The following CDH13 variants were observed in gnomAD, a reference collection of about 807,000 sequenced individuals.
CDH13 encodes cadherin-13.
Under a neutral mutation model 63.8 loss-of-function variants are expected in CDH13, and 24 were observed. The observed-to-expected ratio is 0.38, with a 90% CI of 0.27 to 0.53. CDH13 has a LOEUF of 0.53. Among genes scored for constraint, CDH13 ranks in the 20% least tolerant of loss-of-function variants. CDH13 has a pLI of 0.85. For missense variants in CDH13, 1,049 were observed against 903.1 expected (o/e 1.16, Z -2.07); for synonymous variants, 503 against 355.3 (o/e 1.42, Z -4.67).
intron 5 of CDH13, among the ~76,000 whole-genome samples, chr16:83,285,532 C>T (rs7187816): frequency 0.036 from 5,442 of 151,972 alleles, 114 homozygotes; most frequent in East Asian, 0.092. Context: ...GTAAAAATAA[C>T]ACCATAACCA....
chr16:83,171,518 T>C (rs1205883767), intron 4 of CDH13: 4 of 1,533,260 alleles, frequency 2.6e-6, no homozygotes, highest in Non-Finnish European at 3.5e-6. Flanking sequence ...TCTTTGTTTT[T>C]CAGATGAAGA....
At chr16:83,771,751 GA>G (rs1914775586) in intron 11 of CDH13, among the ~76,000 whole-genome samples, 1 of 152,316 alleles carries the variant, frequency 6.6e-6, no homozygotes, top group Admixed American at 6.5e-5. Context: ...GGGTCGGAAG[GA>G]AAACTGTCAT....
At chr16:82,647,103 G>A (rs1247961677) in intron 1 of CDH13, among the ~76,000 whole-genome samples, 1 of 152,220 alleles carries the variant, frequency 6.6e-6, no homozygotes, top group Non-Finnish European at 1.5e-5. Context: ...CTCTGCCACT[G>A]TAGGGCTGTG....
chr16:83,233,161 T>G (rs1274151091), intron 5 of CDH13, among the ~76,000 whole-genome samples: 1 of 152,140 alleles, frequency 6.6e-6, no homozygotes, highest in African/African-American at 2.4e-5. Context: ...AAAGGGAAAA[T>G]GTGCAAATAT....
chr16:82,687,845 C>T (rs542335266), intron 1 of CDH13, among the ~76,000 whole-genome samples: 1 of 152,086 alleles, frequency 6.6e-6, no homozygotes, highest in South Asian at 2.1e-4. Flanking sequence ...ACTGGCTGTC[C>T]TCGGGGGTAG....
At chr16:82,748,982 A>G (rs1000078) in intron 1 of CDH13, among the ~76,000 whole-genome samples, 41,260 of 152,082 alleles carry the variant, frequency 0.27, 6,311 homozygotes, top group South Asian at 0.38. Context: ...ATATATGGCA[A>G]ATGAGAGTTC....
At chr16:82,639,431 C>A (rs2150883798) in intron 1 of CDH13, 1 of 1,535,508 alleles carries the variant, frequency 6.5e-7, no homozygotes, top group Non-Finnish European at 8.7e-7. Flanking sequence ...CCACAGATGC[C>A]TGGGCGTGAC....
At chr16:83,495,425 T>C (rs569658116) in intron 7 of CDH13, among the ~76,000 whole-genome samples, 1 of 152,250 alleles carries the variant, frequency 6.6e-6, no homozygotes, top group South Asian at 2.1e-4. Context: ...GTTCTTACTA[T>C]GTAGACGAAG....
chr16:83,646,712 A>AAAAACACACAC (rs1168012793), intron 8 of CDH13, among the ~76,000 whole-genome samples: 73 of 80,502 alleles, frequency 9.1e-4, no homozygotes, highest in Middle Eastern at 7.5e-3. Flanking sequence ...AAAAAAAAAA[A>AAAAACACACAC]ACACACACAC....
At chr16:83,026,640 T>C (rs921346819) in intron 2 of CDH13, among the ~76,000 whole-genome samples, 8 of 152,040 alleles carry the variant, frequency 5.3e-5, no homozygotes, top group Admixed American at 2.6e-4. Flanking sequence ...GGGGAGTAGA[T>C]AATGAAAAAA....
In CDH13 at chr16:82,970,557, G is replaced by A. The variant is rs936539153; in HGVS notation, c.158-61453G>A. ...TGGGACTACAGGCGCCCGCCACCGC[G>A]CCCGGCTAATTTTTTGTATTTTTAG... On this transcript the variant is annotated intron_variant, in intron 2 of 13. Transcript: ENST00000567109. Among the ~76,000 whole-genome samples the A allele has an allele frequency of 1.7e-3, 212 of 128,014 alleles. 31 individuals are homozygous for A. Among genetic ancestry groups the A allele is most frequent in the Middle Eastern group, 8.6e-3 (2 of 232 alleles). The allele number at this position is 128,014 out of a possible 152,430, so 84.0% of individuals were successfully genotyped here. A position where few individuals can be genotyped will look rare whatever the true frequency, so the allele number is the denominator to read the frequency against.
At chr16:83,388,223 G>A (rs2091713979) in intron 6 of CDH13, among the ~76,000 whole-genome samples, 1 of 150,782 alleles carries the variant, frequency 6.6e-6, no homozygotes. Context: ...GGAGGCAAAA[G>A]CAGGCTTAAG....
chr16:83,387,106 G>A (rs1430804681), intron 6 of CDH13, among the ~76,000 whole-genome samples: 1 of 152,150 alleles, frequency 6.6e-6, no homozygotes, highest in Admixed American at 6.5e-5. Flanking sequence ...GAAAACAGGG[G>A]CCAGAAATGA....
At chr16:83,020,633 C>T (rs567142426) in intron 2 of CDH13, among the ~76,000 whole-genome samples, 1 of 152,196 alleles carries the variant, frequency 6.6e-6, no homozygotes. Flanking sequence ...GTGTATGTAG[C>T]TTTCTTTTCT....
At chr16:82,749,784 C>G (rs981812879) in intron 1 of CDH13, among the ~76,000 whole-genome samples, 21 of 152,188 alleles carry the variant, frequency 1.4e-4, no homozygotes, top group African/African-American at 4.1e-4. Context: ...TCACTTGTTT[C>G]TTTGCCTCCC....
At chr16:82,666,433 T>C (rs1203073832) in intron 1 of CDH13, among the ~76,000 whole-genome samples, 2 of 152,212 alleles carry the variant, frequency 1.3e-5, no homozygotes, top group Non-Finnish European at 2.9e-5. Context: ...CCATACACTG[T>C]GCTTGTTCCT....
intron 5 of CDH13, among the ~76,000 whole-genome samples, chr16:83,262,383 C>T (rs1482235843): frequency 6.6e-6 from 1 of 152,158 alleles, no homozygotes; most frequent in Non-Finnish European, 1.5e-5. Flanking sequence ...CATGCTGTCT[C>T]ACCTGAAATG....
chr16:83,352,003 T>A (rs538018801), intron 6 of CDH13, among the ~76,000 whole-genome samples: 3 of 152,204 alleles, frequency 2.0e-5, no homozygotes, highest in Non-Finnish European at 4.4e-5. Context: ...TGCTGGATAT[T>A]GTGGTGGAGG....
intron 8 of CDH13, among the ~76,000 whole-genome samples, chr16:83,625,018 T>C (rs1910156901): frequency 6.6e-6 from 1 of 152,090 alleles, no homozygotes; most frequent in African/African-American, 2.4e-5. Context: ...TAGCTTGAAA[T>C]TGGCCATGGG....
Sources: gnomAD v4.1 joint callset for allele counts (sites outside exome capture counted in the v4.1 genomes callset) on GRCh38, gnomAD v4.1.1 for gene constraint, MANE v1.5 for transcripts, NCBI Gene and HGNC (gene_info 2026-07-23, HGNC 2026-07-21) for gene names.